Variants in SOX6 observed in about 807,000 individuals in gnomAD.
SOX6 encodes the protein SRY-box transcription factor 6, also known as transcription factor SOX-6.
SOX6 carries 11 observed loss-of-function variants against 97.8 expected under a neutral mutation model. The ratio of observed to expected loss-of-function variants is 0.11; its 90% CI spans 0.07 to 0.19. The LOEUF (loss-of-function observed/expected upper bound fraction) is 0.19, where lower values mean the gene tolerates loss of function less well. Among genes scored for constraint, SOX6 ranks in the 10% least tolerant of loss-of-function variants. SOX6 has a pLI of 1.00. For synonymous variants in SOX6, 360 were observed against 371.4 expected, an observed-to-expected ratio of 0.97 and a Z score of 0.35; for missense variants, 810 against 1,039.5, an observed-to-expected ratio of 0.78 and a Z score of 3.04.
intron 6 of SOX6, among the ~76,000 whole-genome samples, chr11:16,142,089 T>G (rs945368098): frequency 1.3e-5 from 2 of 152,128 alleles, no homozygotes; most frequent in African/African-American, 4.8e-5. Flanking sequence ...GTAGCCTAAC[T>G]GGGAGGCACC....
intron 2 of SOX6, among the ~76,000 whole-genome samples, chr11:16,732,623 C>T (rs1444014220): frequency 6.6e-6 from 1 of 152,146 alleles, no homozygotes; most frequent in Non-Finnish European, 1.5e-5. Context: ...AGACCTAAAA[C>T]CATAAAAACC....
At chr11:16,617,933 G>C (rs1268226870) in intron 3 of SOX6, among the ~76,000 whole-genome samples, 1 of 151,788 alleles carries the variant, frequency 6.6e-6, no homozygotes, top group East Asian at 1.9e-4. Context: ...TGCTCTTTCT[G>C]TTCTTGAGAG....
chr11:16,268,670 T>C (rs1335410979), intron 3 of SOX6, among the ~76,000 whole-genome samples: 2 of 151,220 alleles, frequency 1.3e-5, no homozygotes, highest in Non-Finnish European at 3.0e-5. Flanking sequence ...ATCGCTTCAA[T>C]AATTGAAAAT....
chr11:16,626,701 T>A (rs1450762397), intron 3 of SOX6, among the ~76,000 whole-genome samples: 1 of 152,222 alleles, frequency 6.6e-6, no homozygotes, highest in Non-Finnish European at 1.5e-5. Flanking sequence ...AGTTAGATCA[T>A]CTTTAAATTT....
intron 1 of SOX6, among the ~76,000 whole-genome samples, chr11:16,349,365 C>T (rs1287289028): frequency 6.6e-6 from 1 of 152,006 alleles, no homozygotes; most frequent in African/African-American, 2.4e-5. Flanking sequence ...GCCTGTAATC[C>T]CAGCACTTTG....
upstream of SOX6, among the ~76,000 whole-genome samples, chr11:16,478,649 T>C (rs12273993): frequency 3.3e-4 from 51 of 152,356 alleles, no homozygotes; most frequent in African/African-American, 1.1e-3. Context: ...TTCATCATTA[T>C]ATAATTTTAA....
At chr11:16,091,200 G>T (rs180937798) in intron 9 of SOX6, among the ~76,000 whole-genome samples, 46 of 152,182 alleles carry the variant, frequency 3.0e-4, no homozygotes, top group Non-Finnish European at 4.6e-4. Flanking sequence ...GGTGAGTGAA[G>T]GCTGATTAAG....
intron 1 of SOX6, among the ~76,000 whole-genome samples, chr11:16,437,118 T>C (rs1349612918): frequency 1.4e-5 from 2 of 139,492 alleles, no homozygotes; most frequent in Non-Finnish European, 3.1e-5. Flanking sequence ...AAAAAAAAAA[T>C]AGCCAGCATG....
At chr11:16,386,356 A>G (rs7932314) in intron 1 of SOX6, among the ~76,000 whole-genome samples, 100,607 of 147,356 alleles carry the variant, frequency 0.68, 34,680 homozygotes, top group Non-Finnish European at 0.72. Flanking sequence ...GTGGGGGGTG[A>G]AGTAACTGAG....
At chr11:16,646,463 TTTTC>T (rs764321816) in intron 3 of SOX6, among the ~76,000 whole-genome samples, 3 of 152,158 alleles carry the variant, frequency 2.0e-5, no homozygotes, top group Non-Finnish European at 4.4e-5. Context: ...AGTTTTTTTA[TTTTC>T]TTTGTTTTTT....
At chr11:15,996,917 A>G (rs1046879802) in intron 13 of SOX6, among the ~76,000 whole-genome samples, 1 of 152,168 alleles carries the variant, frequency 6.6e-6, no homozygotes, top group Non-Finnish European at 1.5e-5. Context: ...GAAAACAGAT[A>G]TAATAAAGAC....
chr11:16,086,603 T>C (rs890231163), intron 9 of SOX6, among the ~76,000 whole-genome samples: 2 of 152,114 alleles, frequency 1.3e-5, no homozygotes, highest in Admixed American at 6.6e-5. Context: ...AGACTAGGGA[T>C]GGGCAAGGAT....
chr11:16,100,747 T>C (rs1848923529), intron 7 of SOX6, among the ~76,000 whole-genome samples: 1 of 149,984 alleles, frequency 6.7e-6, no homozygotes, highest in South Asian at 2.1e-4. Flanking sequence ...ATATAAAGTC[T>C]ACCTTTTAAA....
At chr11:16,433,275 A>G (rs1285856926) in intron 1 of SOX6, among the ~76,000 whole-genome samples, 1 of 152,100 alleles carries the variant, frequency 6.6e-6, no homozygotes, top group East Asian at 1.9e-4. Flanking sequence ...TTTTGAAGAA[A>G]AAAATGACGA....
At chr11:16,068,638 G>A (rs1848149772) in intron 9 of SOX6, among the ~76,000 whole-genome samples, 2 of 152,078 alleles carry the variant, frequency 1.3e-5, no homozygotes. Flanking sequence ...TACATATTAG[G>A]TTTATTCCCA....
intron 7 of SOX6, among the ~76,000 whole-genome samples, chr11:16,108,922 T>A (rs921392816): frequency 6.6e-6 from 1 of 152,030 alleles, no homozygotes; most frequent in Non-Finnish European, 1.5e-5. Flanking sequence ...AAACAATGAA[T>A]GTCACCCCAA....
intron 1 of SOX6, among the ~76,000 whole-genome samples, chr11:16,375,220 C>T (rs1403881475): frequency 6.6e-6 from 1 of 151,968 alleles, no homozygotes; most frequent in Non-Finnish European, 1.5e-5. Flanking sequence ...AATTTGCCAC[C>T]CAACGCATTC....
intron 4 of SOX6, among the ~76,000 whole-genome samples, chr11:16,192,306 C>T (rs1590015588): frequency 6.6e-6 from 1 of 152,222 alleles, no homozygotes; most frequent in Non-Finnish European, 1.5e-5. Context: ...ACAAAATGGT[C>T]TTCAGTTAGG....
intron 1 of SOX6, among the ~76,000 whole-genome samples, chr11:16,445,155 G>T (rs1859586726): frequency 1.3e-5 from 2 of 152,152 alleles, no homozygotes; most frequent in Admixed American, 1.3e-4. Flanking sequence ...TTCTAAAAAT[G>T]CATGGGCTTG....
Sources: allele counts gnomAD v4.1 joint callset (sites outside exome capture counted in the v4.1 genomes callset), GRCh38; gene constraint gnomAD v4.1.1; transcripts MANE v1.5; gene names NCBI Gene and HGNC (gene_info 2026-07-23, HGNC 2026-07-21).